ZCCHC14: variants seen among roughly 807,000 people sequenced by gnomAD.
ZCCHC14 encodes zinc finger CCHC-type containing 14, also known as zinc finger CCHC domain-containing protein 14.
A neutral mutation model predicts 85.0 loss-of-function variants in ZCCHC14; 16 were observed. That is an observed-to-expected ratio of 0.19 (90% CI 0.13 to 0.29). The LOEUF (loss-of-function observed/expected upper bound fraction) is 0.29, where lower values mean the gene tolerates loss of function less well. ZCCHC14 is among the 10% of genes least tolerant of loss of function. The probability of loss-of-function intolerance (pLI) is 1.00; values close to 1 mark genes in which losing one functional copy is unlikely to be tolerated. For synonymous variants in ZCCHC14, 775 were observed against 630.7 expected, an observed-to-expected ratio of 1.23 and a Z score of -3.43; for missense variants, 1,303 against 1,443.5, an observed-to-expected ratio of 0.90 and a Z score of 1.58.
chr16:87,455,600 T>C (rs1910918164), intron 2 of ZCCHC14, among the ~76,000 whole-genome samples: 1 of 152,166 alleles, frequency 6.6e-6, no homozygotes, highest in Admixed American at 6.5e-5. Flanking sequence ...GAGAAAACCA[T>C]CACTCAAATG....
At chr16:87,444,251 G>C (rs947122727) in intron 2 of ZCCHC14, among the ~76,000 whole-genome samples, 1 of 152,126 alleles carries the variant, frequency 6.6e-6, no homozygotes, top group Non-Finnish European at 1.5e-5. Context: ...AGAAAGCTGA[G>C]TGTTGAACAT....
intron 1 of ZCCHC14, among the ~76,000 whole-genome samples, chr16:87,464,878 G>A (rs1398881965): frequency 1.3e-5 from 2 of 152,188 alleles, no homozygotes; most frequent in Non-Finnish European, 2.9e-5. Flanking sequence ...CTCACCCGCA[G>A]GACTCGTCAT....
At position 87,480,682 on chromosome 16, in the gene ZCCHC14, T is replaced by C. The variant is rs145665420; in HGVS notation, c.570+10987A>G. On this transcript the variant is annotated intron_variant, in intron 1 of 12. Transcript: ENST00000671377. ...GGATGCTCCGCAGGTGAGCCCCTAG[T>C]AGGTGGTAGGAACTGCTAGGCTCTA... 2.6e-5 allele frequency among the ~76,000 whole-genome samples: 4 copies of C among 152,238 alleles called. No individual in the cohort carries two copies. In the East Asian group the frequency reaches 7.7e-4, roughly 29 times the overall value.
At chr16:87,478,218 G>A (rs1230399150) in intron 1 of ZCCHC14, among the ~76,000 whole-genome samples, 4 of 152,226 alleles carry the variant, frequency 2.6e-5, no homozygotes, top group African/African-American at 9.6e-5. Flanking sequence ...GTGGCACAAT[G>A]CAGTGTCGAA....
chr16:87,467,025 T>G, intron 1 of ZCCHC14: 1 of 432,464 alleles, frequency 2.3e-6, no homozygotes, highest in South Asian at 2.6e-5. Context: ...GTCACGTGTT[T>G]TTCATGAAAA....
chr16:87,439,726 T>C (rs1047165313), intron 2 of ZCCHC14, among the ~76,000 whole-genome samples: 5 of 152,166 alleles, frequency 3.3e-5, no homozygotes, highest in African/African-American at 4.8e-5. Flanking sequence ...AAAAACCACA[T>C]ACATTTTAAA....
intron 1 of ZCCHC14, among the ~76,000 whole-genome samples, chr16:87,483,900 A>T (rs924796913): frequency 6.6e-6 from 1 of 152,224 alleles, no homozygotes; most frequent in Admixed American, 6.5e-5. Context: ...ATAATATGTA[A>T]ATGACAGTGC....
chr16:87,427,518 T>C (rs567522878), intron 3 of ZCCHC14, among the ~76,000 whole-genome samples: 1 of 152,316 alleles, frequency 6.6e-6, no homozygotes, highest in African/African-American at 2.4e-5. Context: ...GTTTAAGCGA[T>C]CCTTGTGCTT....
intron 1 of ZCCHC14, among the ~76,000 whole-genome samples, chr16:87,481,003 A>C (rs894128205): frequency 2.0e-5 from 3 of 152,210 alleles, no homozygotes; most frequent in Non-Finnish European, 2.9e-5. Flanking sequence ...CCCGTAAGCC[A>C]GAAATGAAGC....
At chr16:87,414,621 T>G in intron 9 of ZCCHC14, 80 bp from the exon 10 acceptor site, 1 of 1,515,476 alleles carries the variant, frequency 6.6e-7, no homozygotes, top group Non-Finnish European at 8.9e-7. Flanking sequence ...ACGGGTCTAC[T>G]CCACACCACA....
rs1033073076 is a variant in ZCCHC14, at chr16:87,491,570, G to C, written c.570+99C>G. On this transcript the variant is annotated intron_variant, in intron 1 of 12. Transcript: ENST00000671377. The surrounding 1 kb of genome is among the most constrained non-coding windows in gnomAD (Gnocchi z 5.9). ...GTGGGAGCTCTCAGTGCAGGCTGGA[G>C]GCGTGGGTCGGGGGGTCGCGGTGCA... 99 of 1,131,472 alleles carry C rather than the reference G, an allele frequency of 8.7e-5. 1 individual carries two copies. In the Middle Eastern group the frequency reaches 1.3e-3, roughly 14 times the overall value. The allele number at this position is 1,131,472 out of a possible 1,614,324, so 70.1% of individuals were successfully genotyped here.
At chr16:87,447,425 G>A (rs994551558) in intron 2 of ZCCHC14, among the ~76,000 whole-genome samples, 2 of 152,108 alleles carry the variant, frequency 1.3e-5, no homozygotes, top group Admixed American at 6.5e-5. Flanking sequence ...GAATCAAGAC[G>A]CAGTGCTTTT....
At chr16:87,415,252 T>C (rs751863382) in intron 9 of ZCCHC14, 24 bp downstream of exon 9, 173 of 1,611,424 alleles carry the variant, frequency 1.1e-4, no homozygotes, top group Non-Finnish European at 1.4e-4. Flanking sequence ...TAAACACAGG[T>C]TTCAAAACCC....
Position 87,492,773 on chromosome 16 carries a change from C to G in ZCCHC14, c.-535G>C, listed in dbSNP as rs1011616735. The G allele has an allele frequency of 2.8e-4, 41 of 147,130 alleles. No individual in the cohort carries two copies. The highest frequency in any genetic ancestry group is 7.8e-4 in the African/African-American group (32 of 41,018). The allele number at this position is 147,130 out of a possible 1,614,324, so 9.1% of individuals were successfully genotyped here. On this transcript the variant is annotated 5_prime_UTR_variant, in exon 1 of 13. Coordinates refer to ENST00000671377, the MANE Select transcript of ZCCHC14 (RefSeq NM_015144.3). The surrounding 1 kb of genome is among the most constrained non-coding windows in gnomAD (Gnocchi z 6.7). ...CGGGCCGCGGGCGCGGCGTCGCCGC[C>G]TGGGGAGCGCTGGGGGCCGCGGCCG...
At position 87,491,564 on chromosome 16, in the gene ZCCHC14, G is replaced by A. The variant is rs559876894; in HGVS notation, c.570+105C>T. ...ACCTGGGTGGGAGCTCTCAGTGCAG[G>A]CTGGAGGCGTGGGTCGGGGGGTCGC... is the stretch of plus-strand genomic sequence containing the variant. On this transcript the variant is annotated intron_variant, in intron 1 of 12. Transcript: ENST00000671377. The surrounding 1 kb of genome is among the most constrained non-coding windows in gnomAD (Gnocchi z 5.9). 1.9e-6 allele frequency: 2 copies of A among 1,079,292 alleles called. No homozygotes were observed. Among genetic ancestry groups the A allele is most frequent in the Admixed American group, 4.3e-5 (1 of 23,106 alleles). The allele number at this position is 1,079,292 out of a possible 1,614,324, so 66.9% of individuals were successfully genotyped here.
chr16:87,417,968 G>A, intron 7 of ZCCHC14: 1 of 550,394 alleles, frequency 1.8e-6, no homozygotes, highest in Non-Finnish European at 3.2e-6. Context: ...GTGCACACGT[G>A]TGCATACAGG....
At chr16:87,417,223 G>C (rs772854691) in intron 8 of ZCCHC14, among the ~76,000 whole-genome samples, 2 of 152,180 alleles carry the variant, frequency 1.3e-5, no homozygotes, top group Non-Finnish European at 2.9e-5. Flanking sequence ...AGAGCATCTA[G>C]TTTGTGAAGG....
intron 1 of ZCCHC14, among the ~76,000 whole-genome samples, chr16:87,490,312 A>G (rs1478408302): frequency 6.6e-6 from 1 of 152,256 alleles, no homozygotes; most frequent in Non-Finnish European, 1.5e-5. Flanking sequence ...AAGTCTTATC[A>G]AAGTTTTAAC....
intron 12 of ZCCHC14, chr16:87,411,267 G>T: frequency 9.2e-7 from 1 of 1,082,206 alleles, no homozygotes; most frequent in Non-Finnish European, 1.3e-6. Context: ...GTCCAGGGAG[G>T]CCCTGTCCAC....
Sources: allele counts gnomAD v4.1 joint callset (sites outside exome capture counted in the v4.1 genomes callset), GRCh38; gene constraint gnomAD v4.1.1; non-coding constraint Gnocchi (gnomAD v3.1); transcripts MANE v1.5; gene names NCBI Gene and HGNC (gene_info 2026-07-23, HGNC 2026-07-21).